The following MORF4L1 variants were observed in gnomAD, a reference collection of about 807,000 sequenced individuals.
MORF4L1 encodes mortality factor 4 like 1.
In MORF4L1, 4 loss-of-function variants were observed where a neutral mutation model predicts 52.9. The observed-to-expected ratio is 0.08, with a 90% CI of 0.04 to 0.17. The LOEUF (loss-of-function observed/expected upper bound fraction) is 0.17, where lower values mean the gene tolerates loss of function less well. Ranked by LOEUF, MORF4L1 falls within the 10% of genes least tolerant of loss-of-function variation. The pLI, the probability that MORF4L1 is intolerant of heterozygous loss-of-function variation, is 1.00. For synonymous variants in MORF4L1, 123 were observed against 134.8 expected (o/e 0.91, Z 0.61); for missense variants, 214 against 390.4 (o/e 0.55, Z 3.81).
rs1836556 is a variant in MORF4L1, at chr15:78,893,535, A to G, written c.541-4A>G. ...TATATTTAAGCATATTTTTGTCTTC[A>G]TAGCTCTTTTATCTTCCTGCCAAGA... On this transcript the variant is annotated splice_polypyrimidine_tract_variant and splice_region_variant and intron_variant, in intron 8 of 11. Coordinates refer to ENST00000426013, the MANE Select transcript of MORF4L1 (RefSeq NM_006791.4). 0.12 allele frequency: 189,145 copies of G among 1,576,866 alleles called. 12,328 individuals are homozygous for G. Among genetic ancestry groups the G allele is most frequent in the East Asian group, 0.26 (11,353 of 44,230 alleles).
intron 7 of MORF4L1, 126 bp from the exon 8 acceptor site, chr15:78,892,086 A>ATT: frequency 1.9e-6 from 1 of 538,792 alleles, no homozygotes. Context: ...TTAAAAAATG[A>ATT]CAGTACAGCT....
intron 1 of MORF4L1, among the ~76,000 whole-genome samples, chr15:78,874,313 T>A (rs775781380): frequency 6.6e-6 from 1 of 152,226 alleles, no homozygotes; most frequent in Non-Finnish European, 1.5e-5. Context: ...CAAACCGTAG[T>A]ACTGCGTATT....
At chr15:78,889,795 A>G (rs149700031) in intron 5 of MORF4L1, among the ~76,000 whole-genome samples, 33 of 152,350 alleles carry the variant, frequency 2.2e-4, no homozygotes, top group African/African-American at 7.2e-4. Flanking sequence ...ATATTTAATT[A>G]ATAACATTTA....
At chr15:78,873,233 GAA>G (rs1374648092) in intron 1 of MORF4L1, 176 bp downstream of exon 1, 1 of 1,510,476 alleles carries the variant, frequency 6.6e-7, no homozygotes, top group African/African-American at 1.4e-5. Context: ...GTCATTGTGA[GAA>G]AGCGCTTTGT....
rs1442237956 is a variant in MORF4L1, at chr15:78,886,128, T to A, written c.156-13T>A. On this transcript the variant is annotated splice_polypyrimidine_tract_variant and intron_variant, in intron 3 of 11. Transcript: ENST00000426013. ...GTATTTTTGAGTTAAATTTTAACTT[T>A]CCTCTTTTTCAGTTGGGATGAATGG... is the stretch of plus-strand genomic sequence containing the variant. The A allele has an allele frequency of 6.2e-7, 1 of 1,607,030 alleles. No individual in the cohort carries two copies. Among genetic ancestry groups the A allele is most frequent in the South Asian group, 1.1e-5 (1 of 90,938 alleles).
chr15:78,874,568 CT>C (rs1343862100), intron 1 of MORF4L1, among the ~76,000 whole-genome samples: 3 of 138,694 alleles, frequency 2.2e-5, no homozygotes, highest in South Asian at 2.3e-4. Context: ...TTTGTTTTTT[CT>C]TTTCTTTTTC....
intron 4 of MORF4L1, 151 bp downstream of exon 4, chr15:78,886,378 C>A (rs78027264): frequency 1.5e-6 from 1 of 684,796 alleles, no homozygotes; most frequent in Non-Finnish European, 2.6e-6. Flanking sequence ...TGACTTCAAG[C>A]GATCAAGCCA....
Position 78,891,470 on chromosome 15 carries a change from G to A in MORF4L1, c.350-14G>A, listed in dbSNP as rs377011002. ...AATTAGCTAAATGAGACCCCTCCCC[G>A]CCAACATTTACAGCACCTGGAAATG... is the stretch of plus-strand genomic sequence containing the variant. On this transcript the variant is annotated splice_polypyrimidine_tract_variant and intron_variant, in intron 6 of 11. Transcript: ENST00000426013. 4.3e-6 allele frequency: 7 copies of A among 1,609,434 alleles called. No individual in the cohort carries two copies. Among genetic ancestry groups the A allele is most frequent in the East Asian group, 2.2e-5 (1 of 44,840 alleles).
chr15:78,874,662 G>A (rs10775216), intron 1 of MORF4L1, among the ~76,000 whole-genome samples: 143,755 of 145,670 alleles, frequency 0.99, 70,962 homozygotes, highest in Middle Eastern at 1. Context: ...TCCTGGGCTT[G>A]AGCGATCCAC....
rs2056700166 is a variant in MORF4L1 at position 78,886,204 on chromosome 15, G to A, written c.219G>A (p.Gln73=). The change falls in exon 4 of 12, where the codon CAG becomes CAA. Residue 73 remains glutamine, a synonymous_variant. Coordinates refer to ENST00000426013, the MANE Select transcript of MORF4L1 (RefSeq NM_006791.4). ...LKYVDTNLQK[Q]RELQKANQEQ... ...ACGTGGACACCAATTTGCAGAAACAGCGAGAACTTCAAAAAGCCAATCAGT... is the reference window on the plus strand; with the variant it reads ...ACGTGGACACCAATTTGCAGAAACAACGAGAACTTCAAAAAGCCAATCAGT... 4 of 1,614,024 alleles carry A rather than the reference G, an allele frequency of 2.5e-6. No homozygotes were observed. In the East Asian group the frequency reaches 8.9e-5, roughly 36 times the overall value.
At position 78,886,851 on chromosome 15, in the gene MORF4L1, A is replaced by G. The variant is rs368581753; in HGVS notation, c.243-418A>G. ...GCGCCTGTAGTCCCAGCTACTCCGG[A>G]GGCTGAGGCAGGAGAATGGCGTGAA... On this transcript the variant is annotated intron_variant, in intron 4 of 11. Coordinates refer to ENST00000426013, the MANE Select transcript of MORF4L1 (RefSeq NM_006791.4). 6.6e-5 allele frequency among the ~76,000 whole-genome samples: 10 copies of G among 151,668 alleles called. No homozygotes were observed. The East Asian group carries it at 9.8e-4, about 15-fold the overall frequency.
intron 3 of MORF4L1, 41 bp from the exon 4 acceptor site, chr15:78,886,099 CA>C: frequency 6.8e-7 from 1 of 1,466,646 alleles, no homozygotes; most frequent in Non-Finnish European, 9.6e-7. Flanking sequence ...AGTTGGAGAA[CA>C]GAGTATTTTT....
chr15:78,886,106 T>G, intron 3 of MORF4L1, 35 bp from the exon 4 acceptor site: 1 of 1,532,958 alleles, frequency 6.5e-7, no homozygotes, highest in Admixed American at 1.7e-5. Flanking sequence ...GAACAGAGTA[T>G]TTTTGAGTTA....
intron 5 of MORF4L1, among the ~76,000 whole-genome samples, chr15:78,889,998 G>A (rs1317237710): frequency 2.0e-5 from 3 of 151,980 alleles, no homozygotes; most frequent in Admixed American, 6.6e-5. Context: ...CGAGGTATGC[G>A]AATCACTTGA....
chr15:78,891,018 A>G lies in MORF4L1; in HGVS notation c.349+4A>G. The G allele has an allele frequency of 3.4e-6, 5 of 1,468,326 alleles. No individual in the cohort carries two copies. Among genetic ancestry groups the G allele is most frequent in the Non-Finnish European group, 4.6e-6 (5 of 1,087,898 alleles). 91.0% of individuals were successfully genotyped at this position (1,468,326 alleles called of 1,614,324 possible). On this transcript the variant is annotated splice_donor_region_variant and intron_variant, in intron 6 of 11. Transcript: ENST00000426013. Reference sequence around the variant, plus strand: ...ACGAAAAAGAACAAACAGAAAAGTAAGAATATTAACTTTCTTAACGTTAAT... The same window carrying G: ...ACGAAAAAGAACAAACAGAAAAGTAGGAATATTAACTTTCTTAACGTTAAT...
rs1341803889 is a variant in MORF4L1, at chr15:78,873,004, C to T, written c.-14C>T. On this transcript the variant is annotated 5_prime_UTR_variant, in exon 1 of 12. Coordinates refer to ENST00000426013, the MANE Select transcript of MORF4L1 (RefSeq NM_006791.4). ...GGGTGGTGGGAGAAGGAGGAGGCGG[C>T]GAATCACTTATAAATGGCGCCGAAG... 1.3e-6 allele frequency: 2 copies of T among 1,550,368 alleles called. No individual in the cohort carries two copies. Among genetic ancestry groups the T allele is most frequent in the East Asian group, 2.4e-5 (1 of 41,184 alleles).
At chr15:78,885,425 G>C (rs574699126) in intron 3 of MORF4L1, among the ~76,000 whole-genome samples, 1 of 152,352 alleles carries the variant, frequency 6.6e-6, no homozygotes, top group East Asian at 1.9e-4. Context: ...ATTTTTGAGA[G>C]AGTTGGTTCT....
At chr15:78,881,498 TG>T (rs1372733674) in intron 3 of MORF4L1, among the ~76,000 whole-genome samples, 19 of 156 alleles carry the variant, frequency 0.12, no homozygotes, top group Middle Eastern at 0.5. Context: ...CCGGCCTTTT[TG>T]TGTGTGTGTG....
In MORF4L1 at chr15:78,894,055, C is replaced by T; in HGVS notation, c.630-3C>T. On this transcript the variant is annotated splice_polypyrimidine_tract_variant and splice_region_variant and intron_variant, in intron 9 of 11. Transcript: ENST00000426013. ...TTTTGGAATATTTTTGTTCATTTAT[C>T]AGGGAGTATGCGGTTAATGAAGTTG... The T allele has an allele frequency of 6.2e-7, 1 of 1,609,438 alleles. No homozygotes were observed. The highest frequency in any genetic ancestry group is 8.5e-7 in the Non-Finnish European group (1 of 1,177,606).
Sources: allele counts gnomAD v4.1 joint callset (sites outside exome capture counted in the v4.1 genomes callset), GRCh38; gene constraint gnomAD v4.1.1; transcripts MANE v1.5; gene names NCBI Gene and HGNC (gene_info 2026-07-23, HGNC 2026-07-21).